Variants in MIPOL1 observed in about 807,000 individuals in gnomAD.
MIPOL1 encodes mirror-image polydactyly 1, also known as mirror-image polydactyly gene 1 protein.
MIPOL1 carries 57 observed loss-of-function variants against 60.9 expected under a neutral mutation model. The observed-to-expected ratio is 0.94, with a 90% CI of 0.76 to 1.17. MIPOL1 has a LOEUF of 1.17. Ranked by LOEUF, MIPOL1 falls within the 50% of genes most tolerant of loss-of-function variation. The pLI, the probability that MIPOL1 is intolerant of heterozygous loss-of-function variation, is 0.00. For synonymous variants in MIPOL1, 179 were observed against 168.8 expected, an observed-to-expected ratio of 1.06 and a Z score of -0.47; for missense variants, 551 against 511.6, an observed-to-expected ratio of 1.08 and a Z score of -0.74.
At chr14:37,269,279 T>C (rs186307616) in intron 5 of MIPOL1, among the ~76,000 whole-genome samples, 2 of 152,304 alleles carry the variant, frequency 1.3e-5, no homozygotes, top group Admixed American at 6.5e-5. Flanking sequence ...TTTTGTCCAG[T>C]CCAATTTGTC....
chr14:37,217,001 T>C (rs182842256), intron 1 of MIPOL1, among the ~76,000 whole-genome samples: 12 of 151,968 alleles, frequency 7.9e-5, no homozygotes, highest in Admixed American at 2.6e-4. Context: ...TTTTGAAAAG[T>C]TAAACAAAGT....
At chr14:37,205,042 C>A (rs116585670) in intron 1 of MIPOL1, among the ~76,000 whole-genome samples, 174 of 152,010 alleles carry the variant, frequency 1.1e-3, no homozygotes, top group African/African-American at 3.8e-3. Flanking sequence ...TTGCTCCTGC[C>A]CCAGAGATTT....
intron 1 of MIPOL1, among the ~76,000 whole-genome samples, chr14:37,208,347 T>C (rs932214897): frequency 1.3e-5 from 2 of 152,154 alleles, no homozygotes; most frequent in Admixed American, 6.6e-5. Flanking sequence ...TTTCCTAGCT[T>C]CATAGTTTTG....
At chr14:37,260,581 A>G (rs1473267402) in intron 3 of MIPOL1, among the ~76,000 whole-genome samples, 2 of 152,168 alleles carry the variant, frequency 1.3e-5, no homozygotes, top group African/African-American at 4.8e-5. Flanking sequence ...AAACAGAAAG[A>G]TTATCTTATA....
chr14:37,494,470 C>G (rs568037310), intron 11 of MIPOL1, among the ~76,000 whole-genome samples: 2 of 152,196 alleles, frequency 1.3e-5, no homozygotes, highest in East Asian at 3.9e-4. Flanking sequence ...AAAGGCATTC[C>G]AAACAAATAC....
chr14:37,452,224 G>A (rs2094431479), intron 11 of MIPOL1, among the ~76,000 whole-genome samples: 1 of 152,154 alleles, frequency 6.6e-6, no homozygotes, highest in Non-Finnish European at 1.5e-5. Flanking sequence ...AACAAAGTGT[G>A]AAATCTGGGA....
intron 7 of MIPOL1, among the ~76,000 whole-genome samples, chr14:37,302,480 G>A (rs1419144898): frequency 6.6e-6 from 1 of 151,356 alleles, no homozygotes; most frequent in East Asian, 1.9e-4. Flanking sequence ...TAAAAGAGTT[G>A]TTTATATTCT....
intron 10 of MIPOL1, among the ~76,000 whole-genome samples, chr14:37,387,637 C>A (rs1300431971): frequency 1.3e-5 from 2 of 151,882 alleles, no homozygotes; most frequent in African/African-American, 4.8e-5. Flanking sequence ...CATATATTCA[C>A]TTTATTGTAT....
At chr14:37,217,005 A>G (rs1967838128) in intron 1 of MIPOL1, among the ~76,000 whole-genome samples, 1 of 152,162 alleles carries the variant, frequency 6.6e-6, no homozygotes, top group South Asian at 2.1e-4. Flanking sequence ...GAAAAGTTAA[A>G]CAAAGTTGAC....
At chr14:37,482,256 G>C (rs892575381) in intron 11 of MIPOL1, among the ~76,000 whole-genome samples, 1 of 152,100 alleles carries the variant, frequency 6.6e-6, no homozygotes, top group African/African-American at 2.4e-5. Flanking sequence ...GTTTAAAAAT[G>C]GGCAAGGGAT....
In MIPOL1 at chr14:37,500,156, G is replaced by C; in HGVS notation, c.1262+18G>C. On this transcript the variant is annotated intron_variant, in intron 12 of 12. Coordinates refer to ENST00000684589, the MANE Select transcript of MIPOL1 (RefSeq NM_001388067.1). ...GTTCAAAAGTAAGTTAAATGATCTT[G>C]TAATAATACTTCAAACACATGAAAC... The C allele has an allele frequency of 6.7e-7, 1 of 1,486,482 alleles. No individual in the cohort carries two copies. The highest frequency in any genetic ancestry group is 9.3e-7 in the Non-Finnish European group (1 of 1,076,624). The allele number at this position is 1,486,482 out of a possible 1,614,324, so 92.1% of individuals were successfully genotyped here.
At chr14:37,211,079 A>G (rs1258424559) in intron 1 of MIPOL1, among the ~76,000 whole-genome samples, 1 of 152,218 alleles carries the variant, frequency 6.6e-6, no homozygotes, top group Admixed American at 6.5e-5. Flanking sequence ...CTTCACTGTC[A>G]TAATCTTTGC....
At chr14:37,201,951 A>G (rs1248868699) in intron 1 of MIPOL1, among the ~76,000 whole-genome samples, 2 of 151,550 alleles carry the variant, frequency 1.3e-5, no homozygotes, top group Non-Finnish European at 2.9e-5. Flanking sequence ...CCCTGCTGCA[A>G]CCTCCCAAGT....
intron 9 of MIPOL1, among the ~76,000 whole-genome samples, chr14:37,356,967 C>G (rs1170993053): frequency 6.6e-6 from 1 of 152,162 alleles, no homozygotes; most frequent in African/African-American, 2.4e-5. Flanking sequence ...GAATAGTACT[C>G]CACTGTGTAT....
At chr14:37,448,487 C>G (rs1159508942) in intron 11 of MIPOL1, among the ~76,000 whole-genome samples, 1 of 152,160 alleles carries the variant, frequency 6.6e-6, no homozygotes, top group Non-Finnish European at 1.5e-5. Context: ...TAGCAAAATT[C>G]TTTTTGCTTG....
rs112597205 is a variant in MIPOL1 at position 37,511,849 on chromosome 14, A to G, written c.1262+11711A>G. Among the ~76,000 whole-genome samples, 1,288 of 152,304 alleles carry G rather than the reference A, an allele frequency of 8.5e-3. 20 individuals are homozygous for G. The highest frequency in any genetic ancestry group is 0.028 in the African/African-American group (1,181 of 41,554). ...AGTGATATGATTCAAATTCCCTCAT[A>G]AACTATATGAAGAGTTATATACTGT... On this transcript the variant is annotated intron_variant, in intron 12 of 12. Coordinates refer to ENST00000684589, the MANE Select transcript of MIPOL1 (RefSeq NM_001388067.1).
chr14:37,359,998 A>T (rs542917751), intron 9 of MIPOL1, among the ~76,000 whole-genome samples: 1 of 152,220 alleles, frequency 6.6e-6, no homozygotes, highest in East Asian at 1.9e-4. Context: ...CGTTCCATCA[A>T]TGTCTAGTTC....
At chr14:37,229,900 CA>C (rs1202519775) in intron 1 of MIPOL1, among the ~76,000 whole-genome samples, 2 of 151,988 alleles carry the variant, frequency 1.3e-5, no homozygotes, top group Non-Finnish European at 2.9e-5. Flanking sequence ...TGATGGTTAT[CA>C]GGGGCTAAAG....
intron 11 of MIPOL1, among the ~76,000 whole-genome samples, chr14:37,480,356 C>T (rs951972937): frequency 2.0e-5 from 3 of 152,164 alleles, no homozygotes; most frequent in South Asian, 4.1e-4. Context: ...CCACCATTAT[C>T]GAGTGGGATT....
Sources: gnomAD v4.1 joint callset for allele counts (sites outside exome capture counted in the v4.1 genomes callset) on GRCh38, gnomAD v4.1.1 for gene constraint, MANE v1.5 for transcripts, NCBI Gene and HGNC (gene_info 2026-07-23, HGNC 2026-07-21) for gene names.